AK5: variants seen among roughly 807,000 people sequenced by gnomAD.
AK5 encodes adenylate kinase isoenzyme 5.
Under a neutral mutation model 69.5 loss-of-function variants are expected in AK5, and 27 were observed. The observed-to-expected ratio is 0.39, with a 90% CI of 0.29 to 0.54. The LOEUF is 0.54. AK5 is among the 20% of genes least tolerant of loss of function. The pLI is 0.71. For missense variants in AK5, 531 were observed against 700.4 expected (o/e 0.76, Z 2.73); for synonymous variants, 260 against 244.4 (o/e 1.06, Z -0.60).
At chr1:77,370,145 C>T (rs868727058) in intron 6 of AK5, among the ~76,000 whole-genome samples, 1 of 152,120 alleles carries the variant, frequency 6.6e-6, no homozygotes, top group African/African-American at 2.4e-5. Context: ...AGAGACTAGA[C>T]AGGTGTCTTC....
chr1:77,324,318 CGTGTGTGTGT>C (rs10547281), intron 5 of AK5, among the ~76,000 whole-genome samples: 267 of 148,732 alleles, frequency 1.8e-3, no homozygotes, highest in South Asian at 0.012. Flanking sequence ...TCACCATTTG[CGTGTGTGTGT>C]GTGTGTGTGT....
At chr1:77,322,092 T>C (rs1480382452) in intron 5 of AK5, among the ~76,000 whole-genome samples, 1 of 152,212 alleles carries the variant, frequency 6.6e-6, no homozygotes, top group East Asian at 1.9e-4. Flanking sequence ...GAATAATATC[T>C]TTATTTTTAA....
intron 6 of AK5, among the ~76,000 whole-genome samples, chr1:77,400,011 GTTC>G (rs1649099731): frequency 6.6e-6 from 1 of 152,192 alleles, no homozygotes; most frequent in African/African-American, 2.4e-5. Context: ...CTGCAGGAAG[GTTC>G]TTCTGCCAAC....
At chr1:77,381,301 C>T (rs1261325619) in intron 6 of AK5, among the ~76,000 whole-genome samples, 1 of 152,182 alleles carries the variant, frequency 6.6e-6, no homozygotes, top group East Asian at 1.9e-4. Context: ...CTGAATCAGT[C>T]AGTGCCTTGA....
At chr1:77,558,068 C>T (rs6667519) in intron 13 of AK5, among the ~76,000 whole-genome samples, 103,010 of 152,040 alleles carry the variant, frequency 0.68, 36,080 homozygotes, top group Non-Finnish European at 0.77. Context: ...TTCCCCTGTC[C>T]ATCTGGATAT....
intron 9 of AK5, among the ~76,000 whole-genome samples, chr1:77,484,424 G>A (rs1306529744): frequency 6.6e-6 from 1 of 152,166 alleles, no homozygotes; most frequent in Non-Finnish European, 1.5e-5. Flanking sequence ...CTCTAATCCT[G>A]CACAGATCCA....
Position 77,499,000 on chromosome 1 carries a change from A to G in AK5, c.1147+12648A>G, listed in dbSNP as rs1174519861. Reference sequence around the variant, plus strand: ...AAGCCCTGGGCTTAAACTTGCCTATATGCTGCCATTTCCTCTAGCTGACAC... The same window carrying G: ...AAGCCCTGGGCTTAAACTTGCCTATGTGCTGCCATTTCCTCTAGCTGACAC... On this transcript the variant is annotated intron_variant, in intron 10 of 13. Transcript: ENST00000354567. 2.0e-5 allele frequency among the ~76,000 whole-genome samples: 3 copies of G among 152,232 alleles called. 1 individual carries two copies. Among genetic ancestry groups the G allele is most frequent in the South Asian group, 4.1e-4 (2 of 4,832 alleles).
At chr1:77,399,047 T>C (rs1279238674) in intron 6 of AK5, among the ~76,000 whole-genome samples, 1 of 152,214 alleles carries the variant, frequency 6.6e-6, no homozygotes, top group Non-Finnish European at 1.5e-5. Flanking sequence ...TAATGAAATC[T>C]TAAATCCTCT....
chr1:77,351,735 G>A (rs1307599051), intron 6 of AK5, among the ~76,000 whole-genome samples: 1 of 152,232 alleles, frequency 6.6e-6, no homozygotes, highest in East Asian at 1.9e-4. Context: ...CAGAAGTGGA[G>A]CATGTGTTTC....
intron 5 of AK5, chr1:77,313,709 T>C: frequency 2.2e-6 from 1 of 456,404 alleles, no homozygotes; most frequent in South Asian, 1.6e-5. Flanking sequence ...ACTGGGTTTG[T>C]GGGTTTGCTT....
intron 8 of AK5, among the ~76,000 whole-genome samples, chr1:77,430,273 G>A (rs2803147): frequency 0.48 from 73,282 of 151,868 alleles, 18,828 homozygotes; most frequent in Non-Finnish European, 0.58. Context: ...TGTGACGAAA[G>A]TCAACAGGAC....
chr1:77,475,185 ATATATATATATGTGTGTG>A (rs1276319473), intron 8 of AK5, among the ~76,000 whole-genome samples: 7 of 51,886 alleles, frequency 1.3e-4, no homozygotes, highest in African/African-American at 3.5e-4. Flanking sequence ...ATATATATAT[ATATATATATATGTGTGTG>A]TGTGTGTGTG....
intron 5 of AK5, among the ~76,000 whole-genome samples, chr1:77,307,921 A>G (rs1422036635): frequency 1.3e-5 from 2 of 152,172 alleles, no homozygotes; most frequent in Non-Finnish European, 2.9e-5. Context: ...TGTTTTTTCT[A>G]TATAGATAGT....
At chr1:77,360,955 G>C (rs1274257800) in intron 6 of AK5, among the ~76,000 whole-genome samples, 1 of 152,124 alleles carries the variant, frequency 6.6e-6, no homozygotes, top group East Asian at 1.9e-4. Context: ...GCCACATAAT[G>C]AAAATGTGAC....
At chr1:77,449,251 G>A (rs1218572711) in intron 8 of AK5, among the ~76,000 whole-genome samples, 3 of 152,234 alleles carry the variant, frequency 2.0e-5, no homozygotes, top group Admixed American at 2.0e-4. Flanking sequence ...CAAAGCCACA[G>A]GGGCAGAGCT....
chr1:77,546,128 C>T (rs911138078), intron 13 of AK5, among the ~76,000 whole-genome samples: 2 of 152,124 alleles, frequency 1.3e-5, no homozygotes, highest in African/African-American at 4.8e-5. Context: ...GTGCTTGCTG[C>T]GTGTGTGTCT....
rs55819317 is a variant in AK5 at position 77,289,862 on chromosome 1, CAAAAAA to C, written c.247+2756_247+2761del. Among the ~76,000 whole-genome samples, 269 of 64,712 alleles carry C rather than the reference CAAAAAA, an allele frequency of 4.2e-3. 1 individual carries two copies. The highest frequency in any genetic ancestry group is 0.015 in the African/African-American group (241 of 15,748). The allele number at this position is 64,712 out of a possible 152,430, so 42.5% of individuals were successfully genotyped here. ...TGGGCGACACAGAGAGACTCCGTCTCAAAAAAAAAAAAAAAAAAAAAAAAAAGTCAA... is the reference window on the plus strand; with the variant it reads ...TGGGCGACACAGAGAGACTCCGTCTCAAAAAAAAAAAAAAAAAAAAGTCAA... On this transcript the variant is annotated intron_variant, in intron 2 of 13. Coordinates refer to ENST00000354567, the MANE Select transcript of AK5 (RefSeq NM_174858.3).
At chr1:77,532,628 TG>T (rs1245366016) in intron 12 of AK5, among the ~76,000 whole-genome samples, 10 of 152,376 alleles carry the variant, frequency 6.6e-5, no homozygotes, top group Admixed American at 5.9e-4. Context: ...GCTTATGGGA[TG>T]GCTGTTTGTA....
At position 77,329,984 on chromosome 1, in the gene AK5, A is replaced by G. The variant is rs77919293; in HGVS notation, c.700-10393A>G. Reference sequence around the variant, plus strand: ...TAGAAAAAGCAAGTTCAAAATAGAAAGATGAGCAGCAGACAGAAAGAAAGA... The same window carrying G: ...TAGAAAAAGCAAGTTCAAAATAGAAGGATGAGCAGCAGACAGAAAGAAAGA... On this transcript the variant is annotated intron_variant, in intron 5 of 13. Coordinates refer to ENST00000354567, the MANE Select transcript of AK5 (RefSeq NM_174858.3). Among the ~76,000 whole-genome samples, 1,174 of 152,328 alleles carry G rather than the reference A, an allele frequency of 7.7e-3. 17 individuals are homozygous for G. Among genetic ancestry groups the G allele is most frequent in the African/African-American group, 0.027 (1,118 of 41,574 alleles).
Sources: allele counts gnomAD v4.1 joint callset (sites outside exome capture counted in the v4.1 genomes callset), GRCh38; gene constraint gnomAD v4.1.1; transcripts MANE v1.5; gene names NCBI Gene and HGNC (gene_info 2026-07-23, HGNC 2026-07-21).